The following PHF21B variants were observed in gnomAD, a reference collection of about 807,000 sequenced individuals.
The protein encoded by PHF21B is PHD finger protein 21B, also known as PHD finger protein 4.
In PHF21B, 22 loss-of-function variants were observed where a neutral mutation model predicts 62.2. The observed-to-expected ratio is 0.35, with a 90% CI of 0.25 to 0.51. The LOEUF is 0.51. Ranked by LOEUF, PHF21B falls within the 20% of genes least tolerant of loss-of-function variation. PHF21B has a pLI of 0.97. For synonymous variants in PHF21B, 341 were observed against 314.7 expected (o/e 1.08, Z -0.88); for missense variants, 701 against 707.9 (o/e 0.99, Z 0.11).
Position 44,885,476 on chromosome 22 carries a change from C to T in PHF21B, c.1327G>A (p.Glu443Lys), listed in dbSNP as rs1323995415. 11 of 1,599,356 alleles carry T rather than the reference C, an allele frequency of 6.9e-6. No homozygotes were observed. Among genetic ancestry groups the T allele is most frequent in the East Asian group, 2.2e-5 (1 of 44,480 alleles). The change falls in exon 12 of 13, where the codon GAG becomes AAG. Residue 443 changes from glutamate (E) to lysine (K), a missense_variant. By Grantham distance (56) the Glu-to-Lys change is moderately conservative. Transcript: ENST00000313237. ...TCCCGCTCCTCCAGCTGCTGGTGCTCGTTCTGCAGCTCACTGCCTCGTTGC... is the reference window on the plus strand; with the variant it reads ...TCCCGCTCCTCCAGCTGCTGGTGCTTGTTCTGCAGCTCACTGCCTCGTTGC... ...LLQRGSELQNEHQQLEERDRR... is the reference protein window; with the variant it reads ...LLQRGSELQNKHQQLEERDRR...
At chr22:44,966,192 C>T (rs958229086) in intron 2 of PHF21B, among the ~76,000 whole-genome samples, 3 of 152,192 alleles carry the variant, frequency 2.0e-5, no homozygotes, top group East Asian at 1.9e-4. Context: ...AGACAGGCTC[C>T]GGGGCCCCAA....
At chr22:44,945,951 C>T (rs554484491) in intron 2 of PHF21B, among the ~76,000 whole-genome samples, 4 of 152,270 alleles carry the variant, frequency 2.6e-5, no homozygotes, top group East Asian at 1.9e-4. Flanking sequence ...CTGCCTGGGT[C>T]GCTCTGTCCC....
intron 5 of PHF21B, among the ~76,000 whole-genome samples, chr22:44,910,740 C>CT (rs1239304357): frequency 1.3e-5 from 2 of 152,180 alleles, no homozygotes; most frequent in Non-Finnish European, 2.9e-5. Flanking sequence ...TCAGGTATGT[C>CT]TTTATCAGCA....
At chr22:44,909,566 A>G (rs976842115) in intron 5 of PHF21B, among the ~76,000 whole-genome samples, 3 of 152,232 alleles carry the variant, frequency 2.0e-5, no homozygotes, top group African/African-American at 7.2e-5. Flanking sequence ...CTTCTGCTCA[A>G]AGATATTCCG....
intron 2 of PHF21B, chr22:44,989,407 G>GA (rs2073006138): frequency 6.6e-6 from 1 of 152,116 alleles, no homozygotes; most frequent in Non-Finnish European, 1.5e-5. Flanking sequence ...TTAAACCCAT[G>GA]AAACGTGAAT....
At chr22:44,895,566 G>C (rs2071041332) in intron 6 of PHF21B, among the ~76,000 whole-genome samples, 1 of 152,184 alleles carries the variant, frequency 6.6e-6, no homozygotes, top group Non-Finnish European at 1.5e-5. Context: ...CCAGAGGACA[G>C]TTCGGCCATT....
rs1209504772 is a variant in PHF21B, at chr22:44,883,074, G to A, written c.*12C>T. 3.1e-6 allele frequency: 5 copies of A among 1,603,162 alleles called. No individual in the cohort carries two copies. Among genetic ancestry groups the A allele is most frequent in the Non-Finnish European group, 2.6e-6 (3 of 1,175,764 alleles). On this transcript the variant is annotated 3_prime_UTR_variant, in exon 13 of 13. Coordinates refer to ENST00000313237, the MANE Select transcript of PHF21B (RefSeq NM_138415.5). The stretch of plus-strand genomic sequence containing the variant: ...ATAACTTTCCGTGGGTATGAAGACT[G>A]GTCCCTCGGGGTCAGTTGTGGCCCT...
intron 5 of PHF21B, among the ~76,000 whole-genome samples, chr22:44,904,153 T>G (rs1270611263): frequency 6.6e-6 from 1 of 152,240 alleles, no homozygotes; most frequent in Non-Finnish European, 1.5e-5. Context: ...TAATAAAGGC[T>G]GGAGTTAATA....
At chr22:44,886,046 A>C (rs2070851560) in intron 10 of PHF21B, 108 bp from the exon 11 acceptor site, 1 of 1,015,944 alleles carries the variant, frequency 9.8e-7, no homozygotes, top group Admixed American at 2.0e-5. Flanking sequence ...TCTGAGCCAC[A>C]GGGTCCTCAC....
At chr22:44,953,911 C>G (rs1470753391) in intron 2 of PHF21B, among the ~76,000 whole-genome samples, 6 of 152,208 alleles carry the variant, frequency 3.9e-5, no homozygotes, top group Admixed American at 1.3e-4. Context: ...AAGCAACTTG[C>G]CCAAGCCCAC....
intron 2 of PHF21B, among the ~76,000 whole-genome samples, chr22:44,936,505 C>A (rs9626592): frequency 1.3e-5 from 2 of 152,166 alleles, no homozygotes; most frequent in African/African-American, 2.4e-5. Context: ...GCTGCCCACT[C>A]GAGACAGGAC....
At chr22:45,004,132 G>A (rs1269781014) in intron 2 of PHF21B, among the ~76,000 whole-genome samples, 4 of 152,136 alleles carry the variant, frequency 2.6e-5, no homozygotes, top group Non-Finnish European at 4.4e-5. Flanking sequence ...TTTTATAGGC[G>A]ACAAAAATAT....
intron 2 of PHF21B, among the ~76,000 whole-genome samples, chr22:44,939,447 C>T (rs571156514): frequency 6.6e-5 from 10 of 152,336 alleles, no homozygotes; most frequent in African/African-American, 1.4e-4. Flanking sequence ...GGAAGCACTG[C>T]GCACTGAGCA....
intron 6 of PHF21B, 145 bp downstream of exon 6, chr22:44,895,887 G>A: frequency 1.2e-6 from 1 of 868,244 alleles, no homozygotes; most frequent in Non-Finnish European, 1.9e-6. Context: ...GACATCCTGA[G>A]ACCCACTGCA....
intron 5 of PHF21B, among the ~76,000 whole-genome samples, chr22:44,898,728 G>C (rs938649302): frequency 6.6e-6 from 1 of 152,132 alleles, no homozygotes; most frequent in African/African-American, 2.4e-5. Flanking sequence ...ATCCTGGCTA[G>C]AGGAGCTGAG....
intron 2 of PHF21B, among the ~76,000 whole-genome samples, chr22:44,922,641 AG>A (rs1330016198): frequency 6.6e-6 from 1 of 152,204 alleles, no homozygotes; most frequent in Non-Finnish European, 1.5e-5. Flanking sequence ...TCAAAAAAAA[AG>A]AAAAAAAAAA....
At chr22:44,906,821 G>C (rs1375456502) in intron 5 of PHF21B, among the ~76,000 whole-genome samples, 1 of 152,220 alleles carries the variant, frequency 6.6e-6, no homozygotes, top group Non-Finnish European at 1.5e-5. Context: ...GGGAAGCACA[G>C]TCAACCGTGA....
chr22:44,898,277 T>C (rs1434810053), intron 5 of PHF21B, among the ~76,000 whole-genome samples: 4 of 152,130 alleles, frequency 2.6e-5, no homozygotes, highest in East Asian at 3.8e-4. Context: ...TGTCTGATAT[T>C]TTCCTCGTAA....
rs1369540281 is a variant in PHF21B at position 44,914,014 on chromosome 22, G to A, written c.639C>T (p.Leu213=). The part of the protein sequence containing the change: ...HCPLHPSSLP[L]TPPSPSLSPS... Reference sequence around the variant, plus strand: ...GGGACAGTGATGGGGAGGGAGGGGTGAGGGGAAGAGAGGAGGGGTGGAGGG... The same window carrying A: ...GGGACAGTGATGGGGAGGGAGGGGTAAGGGGAAGAGAGGAGGGGTGGAGGG... Residue 213 remains leucine, a synonymous_variant, in exon 5 of 13, where the codon CTC becomes CTT. Transcript: ENST00000313237. 2 of 1,191,202 alleles carry A rather than the reference G, an allele frequency of 1.7e-6. No individual in the cohort carries two copies. The highest frequency in any genetic ancestry group is 1.2e-5 in the South Asian group (1 of 80,886). 73.8% of individuals were successfully genotyped at this position (1,191,202 alleles called of 1,614,324 possible).
Sources: allele counts gnomAD v4.1 joint callset (sites outside exome capture counted in the v4.1 genomes callset), GRCh38; gene constraint gnomAD v4.1.1; transcripts MANE v1.5; gene names NCBI Gene and HGNC (gene_info 2026-07-23, HGNC 2026-07-21).